The following PTPRN2 variants were observed in gnomAD, a reference collection of about 807,000 sequenced individuals.
PTPRN2 encodes the protein receptor-type tyrosine-protein phosphatase N2.
Under a neutral mutation model 118.8 loss-of-function variants are expected in PTPRN2, and 74 were observed. The ratio of observed to expected loss-of-function variants is 0.62; its 90% CI spans 0.52 to 0.76. The LOEUF (loss-of-function observed/expected upper bound fraction) is 0.76. PTPRN2 is among the 30% of genes least tolerant of loss of function. The pLI is 0.00. For synonymous variants in PTPRN2, 641 were observed against 608.0 expected, an observed-to-expected ratio of 1.05 and a Z score of -0.80; for missense variants, 1,481 against 1,394.4, an observed-to-expected ratio of 1.06 and a Z score of -0.99.
chr7:157,849,064 C>T (rs531835886), intron 12 of PTPRN2, among the ~76,000 whole-genome samples: 1 of 152,156 alleles, frequency 6.6e-6, no homozygotes, highest in African/African-American at 2.4e-5. Flanking sequence ...TCGGTCCCAG[C>T]GTGGCTGGCG....
chr7:158,429,375 G>A (rs974119069), intron 2 of PTPRN2, among the ~76,000 whole-genome samples: 2 of 152,240 alleles, frequency 1.3e-5, no homozygotes, highest in Admixed American at 1.3e-4. Flanking sequence ...TGTTCCTCCT[G>A]CAGCTCAGAG....
At chr7:158,338,295 C>A (rs1806081833) in intron 2 of PTPRN2, among the ~76,000 whole-genome samples, 2 of 68,382 alleles carry the variant, frequency 2.9e-5, no homozygotes, top group African/African-American at 7.0e-5. Context: ...CTGCTGACGT[C>A]ACTCACACCC....
intron 2 of PTPRN2, among the ~76,000 whole-genome samples, chr7:158,336,239 A>G (rs1276582929): frequency 4.6e-4 from 36 of 78,134 alleles, no homozygotes; most frequent in African/African-American, 1.6e-3. Flanking sequence ...CATCACTCAC[A>G]CCCACACACG....
intron 6 of PTPRN2, among the ~76,000 whole-genome samples, chr7:158,140,845 A>C (rs1819312356): frequency 6.6e-6 from 1 of 152,158 alleles, no homozygotes; most frequent in Non-Finnish European, 1.5e-5. Context: ...TGCCCTAAAG[A>C]AGGTTCATGG....
rs372466324 is a variant in PTPRN2 at position 157,827,704 on chromosome 7, T to TG, written c.1788+70968dup. Among the ~76,000 whole-genome samples the TG allele has an allele frequency of 7.1e-3, 1,085 of 152,286 alleles. 14 individuals carry two copies. Among genetic ancestry groups the TG allele is most frequent in the African/African-American group, 0.025 (1,037 of 41,564 alleles). Reference sequence around the variant, plus strand: ...TGAGCGAGGACTGAGGACCAGGTGCTGGGGTGCCTTGGAGGAGGGCGGTTG... The same window carrying TG: ...TGAGCGAGGACTGAGGACCAGGTGCTGGGGGTGCCTTGGAGGAGGGCGGTTG... On this transcript the variant is annotated intron_variant, in intron 12 of 22. Coordinates refer to ENST00000389418, the MANE Select transcript of PTPRN2 (RefSeq NM_002847.5).
intron 1 of PTPRN2, among the ~76,000 whole-genome samples, chr7:158,523,530 A>AGTC (rs1384806281): frequency 0.031 from 2,331 of 76,066 alleles, 237 homozygotes; most frequent in African/African-American, 0.11. Context: ...CCTGGAGCAG[A>AGTC]GTCTGCCCTG....
chr7:157,559,238 G>A (rs548906128), intron 21 of PTPRN2, among the ~76,000 whole-genome samples: 2 of 152,202 alleles, frequency 1.3e-5, no homozygotes, highest in East Asian at 1.9e-4. Context: ...GACTTCAGGC[G>A]CTAGGAACGG....
rs551832120 is a variant in PTPRN2 at position 158,265,437 on chromosome 7, C to T, written c.277+51382G>A. On this transcript the variant is annotated intron_variant, in intron 3 of 22. Transcript: ENST00000389418. ...CTGTGGGCACACACCTGTGGGCACA[C>T]CTGCAGGCAGGTACACACCGACGGG... Among the ~76,000 whole-genome samples the T allele has an allele frequency of 2.6e-5, 4 of 152,146 alleles. No individual in the cohort carries two copies. In the South Asian group the frequency reaches 8.3e-4, roughly 32 times the overall value.
At chr7:158,158,406 G>A (rs558436776) in intron 6 of PTPRN2, among the ~76,000 whole-genome samples, 8 of 152,346 alleles carry the variant, frequency 5.3e-5, no homozygotes, top group African/African-American at 1.4e-4. Context: ...ACCAGCCAAC[G>A]CAGGACCTCA....
intron 9 of PTPRN2, among the ~76,000 whole-genome samples, chr7:158,131,139 C>T (rs1338492522): frequency 5.0e-5 from 4 of 80,034 alleles, no homozygotes; most frequent in Non-Finnish European, 8.8e-5. Context: ...CACATACACA[C>T]ATACACACAC....
At position 157,747,886 on chromosome 7, in the gene PTPRN2, G is replaced by A. The variant is rs1259567296; in HGVS notation, c.1789-64949C>T. 4.7e-3 allele frequency among the ~76,000 whole-genome samples: 538 copies of A among 115,432 alleles called. 31 individuals are homozygous for A. The highest frequency in any genetic ancestry group is 0.013 in the Admixed American group (124 of 9,612). 75.7% of individuals were successfully genotyped at this position (115,432 alleles called of 152,430 possible). On this transcript the variant is annotated intron_variant, in intron 12 of 22. Transcript: ENST00000389418. ...TGCGTCCCTGAGCTGTGGGGTGTCCGGGTGATTCTGAGGCCTGCGTCCCTG... is the reference window on the plus strand; with the variant it reads ...TGCGTCCCTGAGCTGTGGGGTGTCCAGGTGATTCTGAGGCCTGCGTCCCTG...
At chr7:158,072,753 A>G (rs968619255) in intron 11 of PTPRN2, among the ~76,000 whole-genome samples, 6 of 152,230 alleles carry the variant, frequency 3.9e-5, no homozygotes, top group Non-Finnish European at 8.8e-5. Context: ...TTTGTGCCAC[A>G]CACTCCAGCT....
chr7:157,727,690 G>A (rs1799676811), intron 12 of PTPRN2, among the ~76,000 whole-genome samples: 1 of 152,202 alleles, frequency 6.6e-6, no homozygotes, highest in Non-Finnish European at 1.5e-5. Flanking sequence ...TTTCTGTTTT[G>A]TGTCGTTTAC....
intron 12 of PTPRN2, among the ~76,000 whole-genome samples, chr7:157,736,557 C>T (rs943387030): frequency 2.0e-5 from 3 of 151,970 alleles, no homozygotes; most frequent in Admixed American, 6.5e-5. Context: ...ACCCCCGCCG[C>T]CCCCCACAGC....
intron 3 of PTPRN2, among the ~76,000 whole-genome samples, chr7:158,312,039 A>G (rs1284284115): frequency 1.4e-5 from 2 of 143,226 alleles, no homozygotes. Flanking sequence ...GTAGAGACAC[A>G]CACATGCACA....
Position 157,539,785 on chromosome 7 carries a change from G to A in PTPRN2, c.*929C>T, listed in dbSNP as rs1404224110. ...CCCAGGAGGGAAATGTCCCCTCTCTGGGGCCCCACAGGTCCGGGACGTGCC... is the reference window on the plus strand; with the variant it reads ...CCCAGGAGGGAAATGTCCCCTCTCTAGGGCCCCACAGGTCCGGGACGTGCC... On this transcript the variant is annotated 3_prime_UTR_variant, in exon 23 of 23. Transcript: ENST00000389418. 1 of 151,904 alleles carries A rather than the reference G, an allele frequency of 6.6e-6. No individual in the cohort carries two copies. The highest frequency in any genetic ancestry group is 2.4e-5 in the African/African-American group (1 of 41,114). 9.4% of individuals were successfully genotyped at this position (151,904 alleles called of 1,614,324 possible).
At chr7:158,039,005 C>G (rs565612644) in intron 11 of PTPRN2, among the ~76,000 whole-genome samples, 1 of 152,088 alleles carries the variant, frequency 6.6e-6, no homozygotes, top group Non-Finnish European at 1.5e-5. Context: ...GTTTATGGCC[C>G]TCCCCCTTTG....
At chr7:157,770,435 G>A (rs966434797) in intron 12 of PTPRN2, among the ~76,000 whole-genome samples, 10 of 152,160 alleles carry the variant, frequency 6.6e-5, no homozygotes, top group South Asian at 2.1e-4. Context: ...ACCTCTTTAC[G>A]TTAAACCGGA....
intron 22 of PTPRN2, among the ~76,000 whole-genome samples, chr7:157,545,115 T>C (rs1798229125): frequency 6.9e-6 from 1 of 145,792 alleles, no homozygotes; most frequent in South Asian, 2.2e-4. Context: ...TGTGTAGGTG[T>C]GTGTGGGGTG....
Sources: allele counts gnomAD v4.1 joint callset (sites outside exome capture counted in the v4.1 genomes callset), GRCh38; gene constraint gnomAD v4.1.1; transcripts MANE v1.5; gene names NCBI Gene and HGNC (gene_info 2026-07-23, HGNC 2026-07-21).